The following SPON1 variants were observed in gnomAD, a reference collection of about 807,000 sequenced individuals.
The protein encoded by SPON1 is spondin 1.
A neutral mutation model predicts 111.7 loss-of-function variants in SPON1; 52 were observed. The observed-to-expected ratio is 0.47, with a 90% CI of 0.37 to 0.59. The LOEUF (loss-of-function observed/expected upper bound fraction) is 0.59, where lower values mean the gene tolerates loss of function less well. Ranked by LOEUF, SPON1 falls within the 20% of genes least tolerant of loss-of-function variation. The pLI, the probability that SPON1 is intolerant of heterozygous loss-of-function variation, is 0.00. For missense variants in SPON1, 957 were observed against 1,068.5 expected (o/e 0.90, Z 1.46); for synonymous variants, 410 against 395.8 (o/e 1.04, Z -0.43).
At chr11:14,237,054 T>C (rs1848875447) in intron 6 of SPON1, among the ~76,000 whole-genome samples, 1 of 152,206 alleles carries the variant, frequency 6.6e-6, no homozygotes, top group Non-Finnish European at 1.5e-5. Flanking sequence ...GCCCAGAGGC[T>C]GTTGAAATGA....
At chr11:14,085,632 C>A (rs1849000095) in intron 5 of SPON1, among the ~76,000 whole-genome samples, 1 of 152,164 alleles carries the variant, frequency 6.6e-6, no homozygotes, top group African/African-American at 2.4e-5. Context: ...GCTATACAGG[C>A]TCTTTTTTAG....
chr11:14,100,291 G>A (rs919187138), intron 5 of SPON1, among the ~76,000 whole-genome samples: 2 of 151,890 alleles, frequency 1.3e-5, no homozygotes, highest in Admixed American at 6.6e-5. Flanking sequence ...TTGTTTGTTC[G>A]TTTGATTCCA....
rs782200665 is a variant in SPON1, at chr11:14,041,595, G to A, written c.420G>A (p.Arg140=). 2 of 1,613,898 alleles carry A rather than the reference G, an allele frequency of 1.2e-6. No homozygotes were observed. The highest frequency in any genetic ancestry group is 1.1e-5 in the South Asian group (1 of 91,064). The change falls in exon 3 of 16, where the codon AGG becomes AGA. Residue 140 remains arginine, a synonymous_variant. Coordinates refer to ENST00000576479, the MANE Select transcript of SPON1 (RefSeq NM_006108.4). ...TCACTGAAAGCACTCCACGGAGGAG[G>A]ACCCGGATCCAGGTGTTTTGGATAG... ...VAVTESTPRR[R]TRIQVFWIAP...
intron 6 of SPON1, among the ~76,000 whole-genome samples, chr11:14,186,555 A>G (rs560126081): frequency 9.8e-5 from 15 of 152,294 alleles, no homozygotes; most frequent in African/African-American, 3.4e-4. Flanking sequence ...ACCTTTAACC[A>G]TGCCCTACAT....
intron 6 of SPON1, among the ~76,000 whole-genome samples, chr11:14,143,084 G>A (rs1259917910): frequency 6.6e-6 from 1 of 152,218 alleles, no homozygotes; most frequent in African/African-American, 2.4e-5. Context: ...ACAGCTAGCT[G>A]AGCAGTTTTG....
At chr11:14,026,152 G>A (rs559114487) in intron 2 of SPON1, among the ~76,000 whole-genome samples, 1 of 152,340 alleles carries the variant, frequency 6.6e-6, no homozygotes, top group African/African-American at 2.4e-5. Context: ...TTTGCTGCAT[G>A]ATTTGATCAG....
At chr11:13,977,162 T>C (rs1164261233) in intron 1 of SPON1, among the ~76,000 whole-genome samples, 1 of 152,234 alleles carries the variant, frequency 6.6e-6, no homozygotes, top group African/African-American at 2.4e-5. Context: ...ACTACTAATA[T>C]TCTTATAGGT....
At chr11:14,227,177 T>G (rs1554938231) in intron 6 of SPON1, among the ~76,000 whole-genome samples, 1 of 152,142 alleles carries the variant, frequency 6.6e-6, no homozygotes, top group African/African-American at 2.4e-5. Flanking sequence ...TATTTAGTTA[T>G]TATTTAGTTA....
intron 6 of SPON1, among the ~76,000 whole-genome samples, chr11:14,173,464 G>T (rs1848133357): frequency 6.6e-6 from 1 of 151,652 alleles, no homozygotes; most frequent in South Asian, 2.1e-4. Flanking sequence ...CGGAGTAGTT[G>T]GATCTTCTGA....
chr11:14,141,337 A>T (rs1186050631), intron 6 of SPON1, among the ~76,000 whole-genome samples: 3 of 152,234 alleles, frequency 2.0e-5, no homozygotes, highest in Non-Finnish European at 4.4e-5. Context: ...GTATCCAGCT[A>T]ATATCTGTAG....
At chr11:14,004,886 A>C (rs1848347179) in intron 2 of SPON1, among the ~76,000 whole-genome samples, 1 of 152,108 alleles carries the variant, frequency 6.6e-6, no homozygotes, top group Non-Finnish European at 1.5e-5. Flanking sequence ...AGCTCACTGC[A>C]GCCCCAAACT....
At chr11:14,213,117 G>A (rs529450668) in intron 6 of SPON1, among the ~76,000 whole-genome samples, 2 of 152,306 alleles carry the variant, frequency 1.3e-5, no homozygotes, top group East Asian at 1.9e-4. Flanking sequence ...CAGAGATGCT[G>A]ACAAACACCA....
rs143989358 is a variant in SPON1, at chr11:13,964,736, C to A, written c.238+1594C>A. Among the ~76,000 whole-genome samples, 1,316 of 152,290 alleles carry A rather than the reference C, an allele frequency of 8.6e-3. 13 individuals are homozygous for A. The highest frequency in any genetic ancestry group is 0.011 in the Non-Finnish European group (760 of 68,014). On this transcript the variant is annotated intron_variant, in intron 1 of 15. Transcript: ENST00000576479. ...CCGCGGCTAGAGCGAGCCGCGCCGA[C>A]GGGCGGCGACTGCCACTCGGTGCAG...
At chr11:13,985,784 C>G (rs1457903388) in intron 2 of SPON1, among the ~76,000 whole-genome samples, 1 of 152,158 alleles carries the variant, frequency 6.6e-6, no homozygotes, top group Non-Finnish European at 1.5e-5. Flanking sequence ...AGTCCAGCAT[C>G]TCAAGGGTCC....
chr11:13,964,594 T>C, intron 1 of SPON1, among the ~76,000 whole-genome samples: 1 of 152,166 alleles, frequency 6.6e-6, no homozygotes, highest in East Asian at 1.9e-4. Flanking sequence ...GCTGAGCACT[T>C]TGCGAGGAAC....
At position 13,962,910 on chromosome 11, in the gene SPON1, G is replaced by T. The variant is rs1455038212; in HGVS notation, c.6G>T (p.Arg2Ser). 1.1e-5 allele frequency: 17 copies of T among 1,536,772 alleles called. No individual in the cohort carries two copies. The African/African-American group carries it at 2.1e-4, about 19-fold the overall frequency. The change falls in exon 1 of 16, where the codon AGG (arginine) becomes AGT (serine). Residue 2 changes from arginine to serine, a missense_variant. Physicochemically the swap from Arg to Ser is moderately radical, Grantham distance 110. Coordinates refer to ENST00000576479, the MANE Select transcript of SPON1 (RefSeq NM_006108.4). ...CAAAGTTGGGGGCCGCGAAGATGAGGCTGTCCCCGGCGCCCCTGAAGCTGA... is the reference window on the plus strand; with the variant it reads ...CAAAGTTGGGGGCCGCGAAGATGAGTCTGTCCCCGGCGCCCCTGAAGCTGA... M[R>S]LSPAPLKLSR...
At position 14,265,807 on chromosome 11, in the gene SPON1, C is replaced by A; in HGVS notation, c.*120C>A. ...TAGTTTTCATTTTTGCAGTGTGGTTCGCCCAGTAGTCTTGTGGATGCCAGA... is the reference window on the plus strand; with the variant it reads ...TAGTTTTCATTTTTGCAGTGTGGTTAGCCCAGTAGTCTTGTGGATGCCAGA... On this transcript the variant is annotated 3_prime_UTR_variant, in exon 16 of 16. Transcript: ENST00000576479. 8.4e-7 allele frequency: 1 copy of A among 1,184,654 alleles called. No homozygotes were observed. Among genetic ancestry groups the A allele is most frequent in the Non-Finnish European group, 1.2e-6 (1 of 849,422 alleles). 73.4% of individuals were successfully genotyped at this position (1,184,654 alleles called of 1,614,324 possible).
chr11:14,169,391 G>C (rs1263224810), intron 6 of SPON1, among the ~76,000 whole-genome samples: 2 of 151,824 alleles, frequency 1.3e-5, no homozygotes, highest in African/African-American at 4.8e-5. Context: ...GTAGATTCTG[G>C]ATATTAGCCC....
At chr11:14,265,278 G>A (rs1724605316) in intron 15 of SPON1, among the ~76,000 whole-genome samples, 1 of 152,148 alleles carries the variant, frequency 6.6e-6, no homozygotes, top group African/African-American at 2.4e-5. Flanking sequence ...ATGTAGTCAA[G>A]CCCAGATTCA....
Sources: gnomAD v4.1 joint callset for allele counts (sites outside exome capture counted in the v4.1 genomes callset) on GRCh38, gnomAD v4.1.1 for gene constraint, MANE v1.5 for transcripts, NCBI Gene and HGNC (gene_info 2026-07-23, HGNC 2026-07-21) for gene names.